PPP1R12B: variants seen among roughly 807,000 people sequenced by gnomAD.
The protein encoded by PPP1R12B is myosin phosphatase target subunit 2.
In PPP1R12B, 76 loss-of-function variants were observed where a neutral mutation model predicts 126.1. The ratio of observed to expected loss-of-function variants is 0.60; its 90% CI spans 0.50 to 0.73. PPP1R12B has a LOEUF of 0.73. Among genes scored for constraint, PPP1R12B ranks in the 30% least tolerant of loss-of-function variants. The pLI is 0.00. For missense variants in PPP1R12B, 1,052 were observed against 1,205.1 expected (o/e 0.87, Z 1.88); for synonymous variants, 356 against 434.7 (o/e 0.82, Z 2.25).
intron 10 of PPP1R12B, chr1:202,439,186 C>T (rs1338202886): frequency 3.3e-6 from 5 of 1,529,848 alleles, no homozygotes; most frequent in East Asian, 2.2e-5. Context: ...AGCTGAAGCT[C>T]GACCACTACT....
At chr1:202,488,757 G>C in intron 14 of PPP1R12B, 134 bp downstream of exon 14, 1 of 821,136 alleles carries the variant, frequency 1.2e-6, no homozygotes, top group East Asian at 2.8e-5. Flanking sequence ...ACGGCTTGGC[G>C]TGGTGGCTCA....
intron 10 of PPP1R12B, 131 bp from the exon 11 acceptor site, chr1:202,440,575 C>G (rs1671474181): frequency 1.6e-6 from 1 of 622,334 alleles, no homozygotes. Context: ...AAATACCACT[C>G]AAAATAGAAT....
At chr1:202,408,357 A>C (rs1666912436) in intron 1 of PPP1R12B, among the ~76,000 whole-genome samples, 1 of 152,212 alleles carries the variant, frequency 6.6e-6, no homozygotes, top group Non-Finnish European at 1.5e-5. Flanking sequence ...AGATTAGTTA[A>C]ACAGTTTCTA....
rs369816203 is a variant in PPP1R12B at position 202,494,660 on chromosome 1, C to T, written c.2146-633C>T. On this transcript the variant is annotated intron_variant, in intron 15 of 23. Transcript: ENST00000608999. ...GGCAGAGGTTGCAGTGAGCCAAGAT[C>T]GCAGCACTGCACTCCAGCCTGGGCA... 6.9e-4 allele frequency among the ~76,000 whole-genome samples: 103 copies of T among 148,404 alleles called. No individual in the cohort carries two copies. In the South Asian group the frequency reaches 0.011, roughly 17 times the overall value.
rs911413132 is a variant in PPP1R12B at position 202,438,197 on chromosome 1, T to C, written c.1458+173T>C. 10 of 1,560,482 alleles carry C rather than the reference T, an allele frequency of 6.4e-6. No individual in the cohort carries two copies. The Admixed American group carries it at 9.5e-5, about 15-fold the overall frequency. On this transcript the variant is annotated intron_variant, in intron 10 of 23. Transcript: ENST00000608999. Reference sequence around the variant, plus strand: ...TTTATTCAAGTAGCTATTTGCTTGCTATTGTTTGCTTGACCAAAAAAGAAA... The same window carrying C: ...TTTATTCAAGTAGCTATTTGCTTGCCATTGTTTGCTTGACCAAAAAAGAAA...
Position 202,549,514 on chromosome 1 carries a change from G to A in PPP1R12B, c.2491-9363G>A, listed in dbSNP as rs562366630. ...TGCTCACCGCAAGCTCTGCCTTCCG[G>A]ATTCATGCCATTCTCCTGCCTCAGC... On this transcript the variant is annotated intron_variant, in intron 18 of 23. Transcript: ENST00000608999. 1.6e-4 allele frequency among the ~76,000 whole-genome samples: 24 copies of A among 151,790 alleles called. No homozygotes were observed. The South Asian group carries it at 5.0e-3, about 32-fold the overall frequency.
intron 1 of PPP1R12B, among the ~76,000 whole-genome samples, chr1:202,360,755 T>C (rs1488100367): frequency 6.6e-6 from 1 of 152,022 alleles, no homozygotes; most frequent in Non-Finnish European, 1.5e-5. Flanking sequence ...TAACATAGGT[T>C]TAGTGTATTG....
chr1:202,417,304 T>G, intron 2 of PPP1R12B: 1 of 985,278 alleles, frequency 1.0e-6, no homozygotes, highest in Non-Finnish European at 1.2e-6. Flanking sequence ...AAATCAGTGC[T>G]TAGTACAAAT....
chr1:202,548,620 C>T (rs1685906585), intron 18 of PPP1R12B, among the ~76,000 whole-genome samples: 1 of 151,848 alleles, frequency 6.6e-6, no homozygotes, highest in African/African-American at 2.4e-5. Flanking sequence ...CCACTGTGCC[C>T]AGCCAAAGTC....
intron 13 of PPP1R12B, among the ~76,000 whole-genome samples, chr1:202,450,912 G>C (rs1236437057): frequency 6.6e-6 from 1 of 152,138 alleles, no homozygotes; most frequent in Non-Finnish European, 1.5e-5. Context: ...TTGGTATTTT[G>C]ATAGGGATTG....
At chr1:202,560,462 G>A (rs1687400092) in intron 19 of PPP1R12B, among the ~76,000 whole-genome samples, 1 of 152,156 alleles carries the variant, frequency 6.6e-6, no homozygotes, top group African/African-American at 2.4e-5. Flanking sequence ...ATTCATGCCT[G>A]CCCTTTTTAG....
chr1:202,495,878 A>C (rs1055329161), intron 17 of PPP1R12B, among the ~76,000 whole-genome samples, 196 bp downstream of exon 17: 1 of 152,228 alleles, frequency 6.6e-6, no homozygotes, highest in African/African-American at 2.4e-5. Context: ...CCCAGTATCT[A>C]GTACAGTGCT....
intron 23 of PPP1R12B, among the ~76,000 whole-genome samples, chr1:202,573,052 C>T (rs1324323432): frequency 6.6e-6 from 1 of 152,162 alleles, no homozygotes; most frequent in Non-Finnish European, 1.5e-5. Context: ...AGGTAAGTAC[C>T]ACTTCATACA....
chr1:202,482,382 C>T (rs1405075298), intron 13 of PPP1R12B, among the ~76,000 whole-genome samples: 7 of 152,202 alleles, frequency 4.6e-5, no homozygotes, highest in Non-Finnish European at 7.3e-5. Flanking sequence ...CTTTTCTTCA[C>T]ATCCCTGCCA....
chr1:202,434,514 G>C lies in PPP1R12B; in HGVS notation c.1142-142G>C, dbSNP rs192963896. On this transcript the variant is annotated intron_variant, in intron 8 of 23. Transcript: ENST00000608999. Reference sequence around the variant, plus strand: ...CAACAGTTGCAAGAGTTTACAAGTTGTTAGTTTATATCCAAGCATTACAGG... The same window carrying C: ...CAACAGTTGCAAGAGTTTACAAGTTCTTAGTTTATATCCAAGCATTACAGG... 28 of 1,072,816 alleles carry C rather than the reference G, an allele frequency of 2.6e-5. No individual in the cohort carries two copies. The Admixed American group carries it at 5.1e-4, about 20-fold the overall frequency. 66.5% of individuals were successfully genotyped at this position (1,072,816 alleles called of 1,614,324 possible).
At chr1:202,525,611 T>G (rs1008512922) in intron 18 of PPP1R12B, among the ~76,000 whole-genome samples, 10 of 151,084 alleles carry the variant, frequency 6.6e-5, no homozygotes, top group African/African-American at 2.2e-4. Flanking sequence ...TTTTTTTTTT[T>G]CTTTTTTTTT....
At chr1:202,441,810 T>C (rs986741822) in intron 11 of PPP1R12B, among the ~76,000 whole-genome samples, 2 of 152,124 alleles carry the variant, frequency 1.3e-5, no homozygotes, top group Non-Finnish European at 2.9e-5. Flanking sequence ...CCTTATCTGC[T>C]TAACTTAAAA....
At chr1:202,467,381 C>T (rs947234416) in intron 13 of PPP1R12B, among the ~76,000 whole-genome samples, 1 of 152,038 alleles carries the variant, frequency 6.6e-6, no homozygotes, top group Non-Finnish European at 1.5e-5. Flanking sequence ...CCGCTCCCCC[C>T]ACCCCACAAC....
At chr1:202,398,872 A>T (rs1224020020) in intron 1 of PPP1R12B, among the ~76,000 whole-genome samples, 2 of 152,202 alleles carry the variant, frequency 1.3e-5, no homozygotes, top group African/African-American at 2.4e-5. Context: ...AGAAGGCTCA[A>T]AAAAGGGCTT....
Sources: gnomAD v4.1 joint callset for allele counts (sites outside exome capture counted in the v4.1 genomes callset) on GRCh38, gnomAD v4.1.1 for gene constraint, MANE v1.5 for transcripts, NCBI Gene and HGNC (gene_info 2026-07-23, HGNC 2026-07-21) for gene names.